The following HECTD4 variants were observed in gnomAD, a reference collection of about 807,000 sequenced individuals.
The protein encoded by HECTD4 is HECT domain E3 ubiquitin protein ligase 4.
Under a neutral mutation model 471.5 loss-of-function variants are expected in HECTD4, and 114 were observed. The observed-to-expected ratio is 0.24, with a 90% CI of 0.21 to 0.28. The LOEUF (loss-of-function observed/expected upper bound fraction) is 0.28. HECTD4 is among the 10% of genes least tolerant of loss of function. The pLI is 1.00. For synonymous variants in HECTD4, 2,012 were observed against 2,256.0 expected (o/e 0.89, Z 3.07); for missense variants, 3,866 against 5,651.5 (o/e 0.68, Z 10.13).
chr12:112,250,570 C>G (rs541271179), intron 24 of HECTD4, among the ~76,000 whole-genome samples, 193 bp from the exon 25 acceptor site: 1 of 152,164 alleles, frequency 6.6e-6, no homozygotes, highest in Non-Finnish European at 1.5e-5. Flanking sequence ...CTAGCTCCCC[C>G]CCAATATTTA....
At chr12:112,219,297 T>G (rs2033021869) in intron 45 of HECTD4, 89 bp downstream of exon 45, 1 of 904,442 alleles carries the variant, frequency 1.1e-6, no homozygotes, top group Non-Finnish European at 1.7e-6. Context: ...TTGCAAACAC[T>G]TATTCTAAAT....
Position 112,380,614 on chromosome 12 carries a change from G to T in HECTD4, c.177+1338C>A, listed in dbSNP as rs369090878. 1.2e-3 allele frequency among the ~76,000 whole-genome samples: 177 copies of T among 152,196 alleles called. 1 individual carries two copies. Among genetic ancestry groups the T allele is most frequent in the African/African-American group, 4.1e-3 (170 of 41,542 alleles). On this transcript the variant is annotated intron_variant, in intron 1 of 75. Coordinates refer to ENST00000682272, the MANE Select transcript of HECTD4 (RefSeq NM_001388303.1). Reference sequence around the variant, plus strand: ...TGCTTGTTATAGAACAGGCCCAAATGAGACACAATAAAACGATGATTCCAT... The same window carrying T: ...TGCTTGTTATAGAACAGGCCCAAATTAGACACAATAAAACGATGATTCCAT...
intron 7 of HECTD4, among the ~76,000 whole-genome samples, chr12:112,291,949 C>A (rs903596155): frequency 6.6e-6 from 1 of 152,302 alleles, no homozygotes; most frequent in African/African-American, 2.4e-5. Flanking sequence ...GCAACCTACA[C>A]ATTATATACA....
Position 112,193,368 on chromosome 12 carries a change from A to G in HECTD4, c.8955+101T>C. On this transcript the variant is annotated intron_variant, in intron 57 of 75. Coordinates refer to ENST00000682272, the MANE Select transcript of HECTD4 (RefSeq NM_001388303.1). The surrounding 1 kb of genome is among the most constrained non-coding windows in gnomAD (Gnocchi z 5.2). The stretch of plus-strand genomic sequence containing the variant: ...CTAGGAAAAGGAAATCGAGAGGAAT[A>G]GGGACTTGGAAGGGAAAGGGGAGTC... 1 of 1,350,230 alleles carries G rather than the reference A, an allele frequency of 7.4e-7. No homozygotes were observed. Among genetic ancestry groups the G allele is most frequent in the Non-Finnish European group, 1.0e-6 (1 of 968,656 alleles). The allele number at this position is 1,350,230 out of a possible 1,614,324, so 83.6% of individuals were successfully genotyped here.
Position 112,295,677 on chromosome 12 carries a change from C to T in HECTD4, c.1335+10387G>A, listed in dbSNP as rs139039776. On this transcript the variant is annotated intron_variant, in intron 7 of 75. Transcript: ENST00000682272. ...TTTTGAGACAGGGTCTGTCTCACTC[C>T]GCTGCCCAGGCTGCAGTGCAGTGGT... Among the ~76,000 whole-genome samples the T allele has an allele frequency of 2.9e-3, 427 of 149,628 alleles. 11 individuals are homozygous for T. Among genetic ancestry groups the T allele is most frequent in the Admixed American group, 0.024 (365 of 14,956 alleles).
intron 37 of HECTD4, 90 bp downstream of exon 37, chr12:112,234,987 A>G (rs2033466403): frequency 8.6e-7 from 1 of 1,167,260 alleles, no homozygotes; most frequent in East Asian, 2.6e-5. Context: ...GGGCCGAGGC[A>G]GTCGATACAT....
At chr12:112,167,704 AG>A in intron 71 of HECTD4, 109 bp downstream of exon 71, 1 of 1,116,714 alleles carries the variant, frequency 9.0e-7, no homozygotes, top group Non-Finnish European at 1.3e-6. Flanking sequence ...ACAGATTGGG[AG>A]GGTTTCTGAA....
At chr12:112,302,661 T>C in intron 7 of HECTD4, 1 of 573,024 alleles carries the variant, frequency 1.7e-6, no homozygotes, top group Non-Finnish European at 3.1e-6. Context: ...CCTTCTTTCC[T>C]TTCAGCGTCT....
chr12:112,258,213 C>G (rs2034066734), intron 20 of HECTD4, among the ~76,000 whole-genome samples: 1 of 151,452 alleles, frequency 6.6e-6, no homozygotes, highest in Non-Finnish European at 1.5e-5. Flanking sequence ...AAGAAACAGC[C>G]AAACTGCCTG....
At chr12:112,334,702 C>T (rs1458589863) in intron 1 of HECTD4, among the ~76,000 whole-genome samples, 9 of 146,190 alleles carry the variant, frequency 6.2e-5, no homozygotes, top group Non-Finnish European at 1.3e-4. Context: ...TCCAGCTACT[C>T]GAGAGGCTGA....
Position 112,170,613 on chromosome 12 carries a change from A to G in HECTD4, c.11933-161T>C, listed in dbSNP as rs16941896. 2.7e-3 allele frequency: 2,156 copies of G among 792,140 alleles called. 35 individuals are homozygous for G. The African/African-American group carries it at 0.034, about 12-fold the overall frequency. The allele number at this position is 792,140 out of a possible 1,614,324, so 49.1% of individuals were successfully genotyped here. ...GAGGGTGGTGTGTCAGCATCCGCCC[A>G]GCATATACCCTTTGTCATTCCCAGG... On this transcript the variant is annotated intron_variant, in intron 68 of 75. Coordinates refer to ENST00000682272, the MANE Select transcript of HECTD4 (RefSeq NM_001388303.1).
chr12:112,261,554 C>A (rs143902129), intron 17 of HECTD4, 125 bp from the exon 18 acceptor site: 2 of 974,558 alleles, frequency 2.1e-6, no homozygotes, highest in South Asian at 3.7e-5. Flanking sequence ...ACAGAATAAG[C>A]CCAAAGCAGT....
intron 45 of HECTD4, among the ~76,000 whole-genome samples, chr12:112,218,830 G>A (rs1192647145): frequency 1.3e-5 from 2 of 152,066 alleles, no homozygotes; most frequent in Non-Finnish European, 2.9e-5. Context: ...TACCTCCCAG[G>A]TTGAAGCGAT....
chr12:112,325,743 T>G (rs1712963790), intron 1 of HECTD4, among the ~76,000 whole-genome samples: 1 of 152,000 alleles, frequency 6.6e-6, no homozygotes, highest in Admixed American at 6.6e-5. Flanking sequence ...ATTAAGGGAG[T>G]GACTGCCAAA....
At chr12:112,378,908 G>A (rs747619322) in intron 1 of HECTD4, among the ~76,000 whole-genome samples, 8 of 152,142 alleles carry the variant, frequency 5.3e-5, no homozygotes, top group East Asian at 3.9e-4. Flanking sequence ...TGGGTGTGGC[G>A]GCATGCGCCT....
At chr12:112,206,875 A>C (rs188088633) in intron 52 of HECTD4, among the ~76,000 whole-genome samples, 1 of 151,888 alleles carries the variant, frequency 6.6e-6, no homozygotes, top group East Asian at 1.9e-4. Flanking sequence ...ACTCCATCCC[A>C]CCTATCTACC....
intron 1 of HECTD4, among the ~76,000 whole-genome samples, chr12:112,321,209 A>G (rs1311920047): frequency 1.3e-5 from 2 of 152,194 alleles, no homozygotes; most frequent in African/African-American, 2.4e-5. Flanking sequence ...GATTTATCCA[A>G]TTCATATTAG....
In HECTD4 at chr12:112,201,024, T is replaced by C. The variant is rs550881234; in HGVS notation, c.8407-226A>G. ...GAAACACATATTATAAGTAATCTTA[T>C]TACTATATAAACTTGCTATGTGCTT... is the stretch of plus-strand genomic sequence containing the variant. On this transcript the variant is annotated intron_variant, in intron 54 of 75. Transcript: ENST00000682272. 5 of 591,332 alleles carry C rather than the reference T, an allele frequency of 8.5e-6. No homozygotes were observed. The East Asian group carries it at 1.8e-4, about 22-fold the overall frequency. 36.6% of individuals were successfully genotyped at this position (591,332 alleles called of 1,614,324 possible).
intron 16 of HECTD4, among the ~76,000 whole-genome samples, chr12:112,264,694 G>C (rs563799390): frequency 6.6e-6 from 1 of 152,280 alleles, no homozygotes; most frequent in East Asian, 1.9e-4. Context: ...ATAGTCTTTG[G>C]AAAGTTTTTC....
Sources: gnomAD v4.1 joint callset for allele counts (sites outside exome capture counted in the v4.1 genomes callset) on GRCh38, gnomAD v4.1.1 for gene constraint, Gnocchi (gnomAD v3.1) non-coding constraint, MANE v1.5 for transcripts, NCBI Gene and HGNC (gene_info 2026-07-23, HGNC 2026-07-21) for gene names.